LUZP2: variants seen among roughly 807,000 people sequenced by gnomAD.
LUZP2 encodes leucine zipper protein 2.
LUZP2 carries 52 observed loss-of-function variants against 51.6 expected under a neutral mutation model. The ratio of observed to expected loss-of-function variants is 1.01; its 90% confidence interval spans 0.81 to 1.27. The LOEUF (loss-of-function observed/expected upper bound fraction) is 1.27. LUZP2 is among the 50% of genes most tolerant of loss of function. The pLI is 0.00. For synonymous variants in LUZP2, 154 were observed against 137.3 expected (o/e 1.12, Z -0.85); for missense variants, 436 against 395.4 (o/e 1.10, Z -0.87).
intron 1 of LUZP2, among the ~76,000 whole-genome samples, chr11:24,516,160 GATTA>G (rs1850456353): frequency 6.6e-6 from 1 of 152,036 alleles, no homozygotes; most frequent in African/African-American, 2.4e-5. Flanking sequence ...CTGTTTTGAA[GATTA>G]ACAGATTAAC....
In LUZP2 at chr11:24,497,220, A is replaced by C; in HGVS notation, c.-24A>C. Reference sequence around the variant, plus strand: ...GAGAGAGAGAGAAGGCAGCGAGGGAAGGAGGACCCCGGCAGGCAGCAGCAT... The same window carrying C: ...GAGAGAGAGAGAAGGCAGCGAGGGACGGAGGACCCCGGCAGGCAGCAGCAT... On this transcript the variant is annotated 5_prime_UTR_variant, in exon 1 of 12. Coordinates refer to ENST00000336930, the MANE Select transcript of LUZP2 (RefSeq NM_001009909.4). 6.6e-7 allele frequency: 1 copy of C among 1,521,046 alleles called. No homozygotes were observed. The highest frequency in any genetic ancestry group is 8.9e-7 in the Non-Finnish European group (1 of 1,128,312). 94.2% of individuals were successfully genotyped at this position (1,521,046 alleles called of 1,614,324 possible). A position where few individuals can be genotyped will look rare whatever the true frequency, so the allele number is the denominator to read the frequency against.
At chr11:24,873,839 A>G (rs1283150126) in intron 5 of LUZP2, among the ~76,000 whole-genome samples, 1 of 152,240 alleles carries the variant, frequency 6.6e-6, no homozygotes, top group East Asian at 1.9e-4. Flanking sequence ...TTTGTTAAAT[A>G]GAAAAACTAC....
intron 9 of LUZP2, among the ~76,000 whole-genome samples, chr11:25,008,834 G>A (rs1007610062): frequency 6.6e-6 from 1 of 152,102 alleles, no homozygotes; most frequent in Non-Finnish European, 1.5e-5. Flanking sequence ...ATTCAGAAAG[G>A]GGAAGTGTGT....
rs553521443 is a variant in LUZP2, at chr11:25,066,738, G to A, written c.859-10591G>A. ...TCTGTTTGGGTTGGAGAAAGGTGAC[G>A]TTAGAGAGAGTTAAAAGTTTAATTC... On this transcript the variant is annotated intron_variant, in intron 10 of 11. Transcript: ENST00000336930. Among the ~76,000 whole-genome samples the A allele has an allele frequency of 1.1e-4, 17 of 151,982 alleles. No individual in the cohort carries two copies. In the South Asian group the frequency reaches 2.7e-3, roughly 24 times the overall value.
At chr11:24,918,911 C>A (rs1051962314) in intron 7 of LUZP2, among the ~76,000 whole-genome samples, 3 of 9,072 alleles carry the variant, frequency 3.3e-4, no homozygotes, top group African/African-American at 6.3e-4. Context: ...TAATATATAT[C>A]CATAATATGT....
intron 1 of LUZP2, among the ~76,000 whole-genome samples, chr11:24,713,854 ATTTTTTTTTTT>A (rs11357002): frequency 3.5e-5 from 2 of 57,452 alleles, no homozygotes; most frequent in South Asian, 1.7e-3. Flanking sequence ...ATGCCTGGCC[ATTTTTTTTTTT>A]TTTTTTTTTT....
intron 5 of LUZP2, among the ~76,000 whole-genome samples, chr11:24,778,531 A>G (rs1394364704): frequency 6.6e-6 from 1 of 152,198 alleles, no homozygotes; most frequent in Non-Finnish European, 1.5e-5. Context: ...TTGAATTCTT[A>G]GATTTTTACA....
At chr11:24,857,304 CAT>C (rs1320538501) in intron 5 of LUZP2, among the ~76,000 whole-genome samples, 38 of 47,758 alleles carry the variant, frequency 8.0e-4, no homozygotes, top group African/African-American at 2.4e-3. Flanking sequence ...TATATATATA[CAT>C]ATATATACAC....
chr11:24,865,126 A>C (rs370759953), intron 5 of LUZP2, among the ~76,000 whole-genome samples: 3 of 152,290 alleles, frequency 2.0e-5, no homozygotes, highest in African/African-American at 7.2e-5. Context: ...AGGAAAAGTC[A>C]ATTTTCAGAG....
At chr11:24,650,528 G>T (rs553929273) in intron 1 of LUZP2, among the ~76,000 whole-genome samples, 3 of 151,968 alleles carry the variant, frequency 2.0e-5, no homozygotes, top group Non-Finnish European at 4.4e-5. Context: ...ATCTTCTGTG[G>T]CACAAAATTG....
chr11:24,942,945 A>G (rs10742056), intron 7 of LUZP2, among the ~76,000 whole-genome samples: 69,087 of 151,922 alleles, frequency 0.45, 16,052 homozygotes, highest in East Asian at 0.76. Context: ...ATTTAATGAG[A>G]TCAGTTACAT....
intron 5 of LUZP2, among the ~76,000 whole-genome samples, chr11:24,777,342 G>A (rs1294311006): frequency 6.6e-6 from 1 of 151,320 alleles, no homozygotes; most frequent in African/African-American, 2.4e-5. Context: ...GAAGTGTAAG[G>A]AGCTACAACT....
chr11:24,621,176 A>G (rs1854481291), intron 1 of LUZP2, among the ~76,000 whole-genome samples: 1 of 152,230 alleles, frequency 6.6e-6, no homozygotes, highest in African/African-American at 2.4e-5. Flanking sequence ...GCATAAGCAA[A>G]ATTAGTGCAT....
intron 1 of LUZP2, among the ~76,000 whole-genome samples, chr11:24,567,771 G>A (rs565889687): frequency 2.0e-5 from 3 of 152,072 alleles, no homozygotes; most frequent in Non-Finnish European, 2.9e-5. Flanking sequence ...AAATAAATGA[G>A]ACTTTATATA....
intron 1 of LUZP2, among the ~76,000 whole-genome samples, chr11:24,531,545 A>G (rs537073878): frequency 1.3e-5 from 2 of 150,928 alleles, no homozygotes; most frequent in Admixed American, 6.6e-5. Context: ...ATTCAGCTGT[A>G]CTTGTGTATC....
At chr11:24,635,040 C>T (rs1424599503) in intron 1 of LUZP2, among the ~76,000 whole-genome samples, 2 of 151,698 alleles carry the variant, frequency 1.3e-5, no homozygotes, top group East Asian at 3.9e-4. Context: ...TACCAGGAAG[C>T]GTGGGATGGG....
At chr11:24,932,561 A>G (rs1854484756) in intron 7 of LUZP2, among the ~76,000 whole-genome samples, 1 of 152,232 alleles carries the variant, frequency 6.6e-6, no homozygotes, top group Admixed American at 6.5e-5. Context: ...GCTGTCATGC[A>G]GGCTGCCAGG....
At chr11:24,525,703 T>G (rs988128708) in intron 1 of LUZP2, among the ~76,000 whole-genome samples, 1 of 150,064 alleles carries the variant, frequency 6.7e-6, no homozygotes, top group Non-Finnish European at 1.5e-5. Flanking sequence ...TCTAATATGT[T>G]CTCTCTCTAT....
At chr11:24,919,551 T>C (rs1853952145) in intron 7 of LUZP2, among the ~76,000 whole-genome samples, 1 of 143,732 alleles carries the variant, frequency 7.0e-6, no homozygotes, top group African/African-American at 2.5e-5. Flanking sequence ...ATGTATTCTT[T>C]ATATATATTC....
Sources: allele counts gnomAD v4.1 joint callset (sites outside exome capture counted in the v4.1 genomes callset), GRCh38; gene constraint gnomAD v4.1.1; transcripts MANE v1.5; gene names NCBI Gene and HGNC (gene_info 2026-07-23, HGNC 2026-07-21).